PAPPA2: variants seen among roughly 807,000 people sequenced by gnomAD.
PAPPA2 encodes pappalysin 2.
PAPPA2 carries 86 observed loss-of-function variants against 176.4 expected under a neutral mutation model. The observed-to-expected ratio is 0.49, with a 90% CI of 0.41 to 0.58. The LOEUF (loss-of-function observed/expected upper bound fraction) is 0.58, where lower values mean the gene tolerates loss of function less well. Among genes scored for constraint, PAPPA2 ranks in the 20% least tolerant of loss-of-function variants. The pLI is 0.00. For synonymous variants in PAPPA2, 809 were observed against 852.2 expected (o/e 0.95, Z 0.88); for missense variants, 2,073 against 2,256.9 (o/e 0.92, Z 1.65).
chr1:176,682,931 T>C (rs980026266), intron 4 of PAPPA2, among the ~76,000 whole-genome samples: 19 of 152,164 alleles, frequency 1.2e-4, no homozygotes, highest in African/African-American at 4.6e-4. Context: ...TATGGGCATA[T>C]AATATTCAGC....
intron 1 of PAPPA2, among the ~76,000 whole-genome samples, chr1:176,519,220 A>T (rs1221369536): frequency 6.6e-6 from 1 of 152,190 alleles, no homozygotes; most frequent in Non-Finnish European, 1.5e-5. Flanking sequence ...AACTCTTCTC[A>T]CAAGTCACAT....
intron 3 of PAPPA2, among the ~76,000 whole-genome samples, chr1:176,604,193 C>G (rs529969839): frequency 2.4e-4 from 37 of 152,282 alleles, no homozygotes; most frequent in South Asian, 1.9e-3. Flanking sequence ...CCCTGGAGAC[C>G]TCACGTAAAA....
In PAPPA2 at chr1:176,690,151, A is replaced by G; in HGVS notation, c.2152A>G (p.Ser718Gly). 11 of 1,608,218 alleles carry G rather than the reference A, an allele frequency of 6.8e-6. No individual in the cohort carries two copies. Among genetic ancestry groups the G allele is most frequent in the Non-Finnish European group, 9.4e-6 (11 of 1,175,190 alleles). ...TTTCATTGCAGGTGGCATTGTCCTC[A>G]GCCCAGCATATTATGGGATGCCTGG... ...AVTHLGGIVL[S>G]PAYYGMPGHT... Residue 718 changes from serine (S) to glycine (G), a missense_variant, in exon 5 of 23, where the codon AGC becomes GGC. By Grantham distance (56) the Ser-to-Gly change is moderately conservative. Transcript: ENST00000367662.
chr1:176,730,400 T>C (rs1251996161), intron 12 of PAPPA2, among the ~76,000 whole-genome samples: 2 of 152,040 alleles, frequency 1.3e-5, no homozygotes, highest in Non-Finnish European at 2.9e-5. Context: ...AGTGCTGATA[T>C]TTGTTCATAA....
intron 3 of PAPPA2, among the ~76,000 whole-genome samples, chr1:176,667,073 C>T (rs1358405870): frequency 6.6e-6 from 1 of 151,982 alleles, no homozygotes; most frequent in Non-Finnish European, 1.5e-5. Context: ...TGGAGAAACC[C>T]TGTCTCTACT....
intron 3 of PAPPA2, among the ~76,000 whole-genome samples, chr1:176,664,722 C>T (rs1026912648): frequency 1.2e-4 from 19 of 152,152 alleles, no homozygotes; most frequent in Admixed American, 7.9e-4. Flanking sequence ...TCTTACAACA[C>T]AAATATTTCT....
chr1:176,692,535 C>A (rs547499360), intron 6 of PAPPA2, among the ~76,000 whole-genome samples: 51 of 152,310 alleles, frequency 3.3e-4, no homozygotes, highest in Admixed American at 5.2e-4. Context: ...GTGCTCACTC[C>A]CCCCTCAGGG....
chr1:176,530,442 G>GA lies in PAPPA2; in HGVS notation c.-916-24958dup, dbSNP rs1180299334. The stretch of plus-strand genomic sequence containing the variant: ...TAGAAATCGATTAATTAATTAAAAA[G>GA]AAAAAAACAACTCCAGAAGTCAGCA... On this transcript the variant is annotated intron_variant, in intron 1 of 22. Transcript: ENST00000367662. Among the ~76,000 whole-genome samples, 7 of 150,002 alleles carry GA rather than the reference G, an allele frequency of 4.7e-5. No individual in the cohort carries two copies. The South Asian group carries it at 1.1e-3, about 24-fold the overall frequency.
In PAPPA2 at chr1:176,696,006, G is replaced by A; in HGVS notation, c.2746+147G>A. 1.1e-5 allele frequency: 11 copies of A among 987,342 alleles called. No homozygotes were observed. In the South Asian group the frequency reaches 1.8e-4, roughly 16 times the overall value. The allele number at this position is 987,342 out of a possible 1,614,324, so 61.2% of individuals were successfully genotyped here. On this transcript the variant is annotated intron_variant, in intron 7 of 22. Coordinates refer to ENST00000367662, the MANE Select transcript of PAPPA2 (RefSeq NM_020318.3). ...TGTGTGTGTGTGTGTGTGTGTGTGT[G>A]TTTTGCTGGATATCTTTTGGAGCTG...
Position 176,699,152 on chromosome 1 carries a change from T to C in PAPPA2, c.2799T>C (p.Pro933=), listed in dbSNP as rs1221484280. 6.2e-7 allele frequency: 1 copy of C among 1,613,916 alleles called. No individual in the cohort carries two copies. Among genetic ancestry groups the C allele is most frequent in the African/African-American group, 1.3e-5 (1 of 74,922 alleles). The change falls in exon 8 of 23, where the codon CCT becomes CCC. Residue 933 remains proline (P), a synonymous_variant. Transcript: ENST00000367662. Reference sequence around the variant, plus strand: ...AGCCAAGCTTACAGGCCTGGAGCCCTGAGGTCCACCTGTACCACATGAACA... The same window carrying C: ...AGCCAAGCTTACAGGCCTGGAGCCCCGAGGTCCACCTGTACCACATGAACA... ...PCEPSLQAWS[P]EVHLYHMNMT...
At chr1:176,674,734 G>GTTTTTTTTTTTTTT (rs765026167) in intron 4 of PAPPA2, among the ~76,000 whole-genome samples, 2 of 137,280 alleles carry the variant, frequency 1.5e-5, no homozygotes, top group South Asian at 2.3e-4. Context: ...GTGTGCAAGT[G>GTTTTTTTTTTTTTT]TTTTTTTTTT....
At chr1:176,550,027 G>C (rs906488945) in intron 1 of PAPPA2, among the ~76,000 whole-genome samples, 1 of 152,174 alleles carries the variant, frequency 6.6e-6, no homozygotes, top group Non-Finnish European at 1.5e-5. Flanking sequence ...TCAGCCCTTA[G>C]TAACCACTGA....
At chr1:176,560,694 G>A (rs1651614982) in intron 2 of PAPPA2, among the ~76,000 whole-genome samples, 1 of 152,192 alleles carries the variant, frequency 6.6e-6, no homozygotes, top group Non-Finnish European at 1.5e-5. Flanking sequence ...TAACTTTTAA[G>A]CTCCAGCACC....
chr1:176,739,376 T>G (rs575396879), intron 12 of PAPPA2, among the ~76,000 whole-genome samples: 1 of 152,294 alleles, frequency 6.6e-6, no homozygotes, highest in East Asian at 1.9e-4. Flanking sequence ...AAAAAACAGT[T>G]CAGGTATCAG....
At chr1:176,727,391 C>T (rs573948953) in intron 12 of PAPPA2, among the ~76,000 whole-genome samples, 1 of 152,004 alleles carries the variant, frequency 6.6e-6, no homozygotes, top group Non-Finnish European at 1.5e-5. Flanking sequence ...ATATCCTAAA[C>T]ATAAGAAAGT....
At chr1:176,574,869 C>T (rs1057390096) in intron 2 of PAPPA2, among the ~76,000 whole-genome samples, 3 of 152,168 alleles carry the variant, frequency 2.0e-5, no homozygotes, top group African/African-American at 7.2e-5. Flanking sequence ...ATTTGTTTTA[C>T]AGTTGCCTAC....
At chr1:176,479,477 C>G (rs972779379) in intron 1 of PAPPA2, among the ~76,000 whole-genome samples, 1 of 152,082 alleles carries the variant, frequency 6.6e-6, no homozygotes, top group East Asian at 1.9e-4. Flanking sequence ...GCAAGCATCC[C>G]TAGGAAATTG....
rs371564283 is a variant in PAPPA2, at chr1:176,769,685, G to A, written c.4402G>A (p.Asp1468Asn). The change falls in exon 16 of 23, where the codon GAC becomes AAC. Residue 1468 changes from aspartate to asparagine, a missense_variant. Asp to Asn is a conservative substitution (Grantham distance 23). Coordinates refer to ENST00000367662, the MANE Select transcript of PAPPA2 (RefSeq NM_020318.3). The part of the protein sequence containing the change: ...SCLPVDCGVP[D>N]PSLVNYANFS... ...CCTTCCCGTGGACTGCGGTGTTCCC[G>A]ACCCGTCTTTGGTGAACTATGCAAA... 36 of 1,613,810 alleles carry A rather than the reference G, an allele frequency of 2.2e-5. No homozygotes were observed. The highest frequency in any genetic ancestry group is 1.6e-4 in the Middle Eastern group (1 of 6,084).
chr1:176,788,894 AT>A (rs1665054742), intron 17 of PAPPA2, among the ~76,000 whole-genome samples: 1 of 152,284 alleles, frequency 6.6e-6, no homozygotes, highest in Admixed American at 6.5e-5. Flanking sequence ...GAAAACTCAT[AT>A]TGCTGCACTT....
Sources: gnomAD v4.1 joint callset for allele counts (sites outside exome capture counted in the v4.1 genomes callset) on GRCh38, gnomAD v4.1.1 for gene constraint, MANE v1.5 for transcripts, NCBI Gene and HGNC (gene_info 2026-07-23, HGNC 2026-07-21) for gene names.